Variants in B3GLCT observed in about 807,000 individuals in gnomAD.
The protein encoded by B3GLCT is beta-1,3-glucosyltransferase.
In B3GLCT, 65 loss-of-function variants were observed where a neutral mutation model predicts 63.4. The ratio of observed to expected loss-of-function variants is 1.03; its 90% CI spans 0.84 to 1.26. The LOEUF (loss-of-function observed/expected upper bound fraction) is 1.26, where lower values mean the gene tolerates loss of function less well. B3GLCT is among the 50% of genes most tolerant of loss of function. B3GLCT has a pLI of 0.00. For synonymous variants in B3GLCT, 233 were observed against 219.2 expected, an observed-to-expected ratio of 1.06 and a Z score of -0.55; for missense variants, 577 against 604.8, an observed-to-expected ratio of 0.95 and a Z score of 0.48.
chr13:31,237,501 C>T (rs1393587361), intron 4 of B3GLCT, among the ~76,000 whole-genome samples: 1 of 151,926 alleles, frequency 6.6e-6, no homozygotes, highest in East Asian at 1.9e-4. Flanking sequence ...TTACAGGTGC[C>T]TACTACCACG....
intron 1 of B3GLCT, among the ~76,000 whole-genome samples, chr13:31,208,070 T>A (rs1374046980): frequency 6.6e-6 from 1 of 151,966 alleles, no homozygotes; most frequent in African/African-American, 2.4e-5. Context: ...ACCTAGGAGG[T>A]TTGAGTATAC....
chr13:31,319,187 G>A (rs114262229), intron 13 of B3GLCT, among the ~76,000 whole-genome samples: 1 of 152,116 alleles, frequency 6.6e-6, no homozygotes, highest in Non-Finnish European at 1.5e-5. Context: ...GCCCCTGGCA[G>A]GCTGTGCTAG....
At chr13:31,277,036 C>T (rs1872829152) in intron 10 of B3GLCT, among the ~76,000 whole-genome samples, 3 of 152,118 alleles carry the variant, frequency 2.0e-5, no homozygotes, top group Admixed American at 6.6e-5. Context: ...TGGAAAAGCT[C>T]AGTGTGGCAG....
intron 12 of B3GLCT, chr13:31,312,318 A>T (rs1874754833): frequency 6.6e-6 from 1 of 152,216 alleles, no homozygotes; most frequent in African/African-American, 2.4e-5. Flanking sequence ...TCTTTTTCTG[A>T]GATAAAGTTA....
rs1566103279 is a variant in B3GLCT, at chr13:31,330,078, AT to A, written c.*411del. On this transcript the variant is annotated 3_prime_UTR_variant, in exon 15 of 15. Coordinates refer to ENST00000343307, the MANE Select transcript of B3GLCT (RefSeq NM_194318.4). ...ACTGTCTACAGTTCTATTTGTATAT[AT>A]AAAAAGAAGACTGAAAGTCTTTTGA... 1 of 208,924 alleles carries A rather than the reference AT, an allele frequency of 4.8e-6. No homozygotes were observed. The highest frequency in any genetic ancestry group is 1.2e-4 in the East Asian group (1 of 8,276). The allele number at this position is 208,924 out of a possible 1,614,324, so 12.9% of individuals were successfully genotyped here.
intron 4 of B3GLCT, among the ~76,000 whole-genome samples, chr13:31,230,632 A>C (rs966703869): frequency 6.6e-6 from 1 of 152,204 alleles, no homozygotes; most frequent in Non-Finnish European, 1.5e-5. Flanking sequence ...GAAACATCGT[A>C]CTTTCTCAAG....
rs192771958 is a variant in B3GLCT at position 31,223,912 on chromosome 13, G to A, written c.160+921G>A. On this transcript the variant is annotated intron_variant, in intron 3 of 14. Coordinates refer to ENST00000343307, the MANE Select transcript of B3GLCT (RefSeq NM_194318.4). ...CATGATGGATAAGCCTGGGTTCCAG[G>A]AAACAAGAAGGGAACAATATGCTCT... 1.3e-4 allele frequency among the ~76,000 whole-genome samples: 20 copies of A among 152,276 alleles called. No homozygotes were observed. In the East Asian group the frequency reaches 3.7e-3, roughly 28 times the overall value.
chr13:31,236,772 A>T (rs1001131945), intron 4 of B3GLCT, among the ~76,000 whole-genome samples: 5 of 152,150 alleles, frequency 3.3e-5, no homozygotes, highest in African/African-American at 1.2e-4. Context: ...TCTTTTACAG[A>T]GTTTTTTATG....
chr13:31,207,983 A>G (rs1226329283), intron 1 of B3GLCT, among the ~76,000 whole-genome samples: 1 of 152,132 alleles, frequency 6.6e-6, no homozygotes, highest in Admixed American at 6.5e-5. Context: ...TTCTTGTTCC[A>G]TTTCTTCCCT....
chr13:31,297,544 C>G (rs932024670), intron 12 of B3GLCT, among the ~76,000 whole-genome samples: 1 of 152,100 alleles, frequency 6.6e-6, no homozygotes, highest in Admixed American at 6.5e-5. Context: ...AAGTGTGGAG[C>G]AGGGAGAGTT....
intron 1 of B3GLCT, among the ~76,000 whole-genome samples, chr13:31,211,495 T>G (rs1869256898): frequency 6.6e-6 from 1 of 152,216 alleles, no homozygotes; most frequent in African/African-American, 2.4e-5. Flanking sequence ...TTTATGTCAT[T>G]GTTTTAAATA....
At position 31,247,894 on chromosome 13, in the gene B3GLCT, C is replaced by T; in HGVS notation, c.387C>T (p.Phe129=). The change falls in exon 6 of 15, where the codon TTC becomes TTT. Residue 129 remains phenylalanine (F), a synonymous_variant. Coordinates refer to ENST00000343307, the MANE Select transcript of B3GLCT (RefSeq NM_194318.4). ...ATAGCAGAAATTCATCTTGGATTTTCTTCTGTGAAGAAGAGACAAGAATAC... is the reference window on the plus strand; with the variant it reads ...ATAGCAGAAATTCATCTTGGATTTTTTTCTGTGAAGAAGAGACAAGAATAC... The part of the protein sequence containing the change: ...VTYSRNSSWI[F]FCEEETRIQI... 2 of 1,610,998 alleles carry T rather than the reference C, an allele frequency of 1.2e-6. No homozygotes were observed. Among genetic ancestry groups the T allele is most frequent in the Non-Finnish European group, 1.7e-6 (2 of 1,177,496 alleles).
At chr13:31,210,344 C>T (rs1455367031) in intron 1 of B3GLCT, among the ~76,000 whole-genome samples, 2 of 152,196 alleles carry the variant, frequency 1.3e-5, no homozygotes, top group Non-Finnish European at 2.9e-5. Flanking sequence ...CACATTAAAG[C>T]ACTAAGGCCA....
intron 12 of B3GLCT, among the ~76,000 whole-genome samples, chr13:31,315,188 G>A (rs1165629614): frequency 6.6e-6 from 1 of 152,216 alleles, no homozygotes; most frequent in African/African-American, 2.4e-5. Flanking sequence ...ACTCAAATAT[G>A]TGGAAGTGAC....
chr13:31,201,804 C>G (rs1868682909), intron 1 of B3GLCT, among the ~76,000 whole-genome samples: 1 of 152,162 alleles, frequency 6.6e-6, no homozygotes, highest in African/African-American at 2.4e-5. Flanking sequence ...CACTGAAGGA[C>G]ATTCAGAATG....
At chr13:31,247,811 T>A in intron 5 of B3GLCT, 44 bp from the exon 6 acceptor site, 2 of 1,006,156 alleles carry the variant, frequency 2.0e-6, no homozygotes, top group Non-Finnish European at 3.2e-6. Flanking sequence ...TATTATTAAC[T>A]TATTTTACAG....
In B3GLCT at chr13:31,274,592, C is replaced by G. The variant is rs761109871; in HGVS notation, c.744C>G (p.Tyr248Ter). 1.2e-6 allele frequency: 2 copies of G among 1,614,122 alleles called. No homozygotes were observed. The highest frequency in any genetic ancestry group is 1.7e-6 in the Non-Finnish European group (2 of 1,180,046). ...TTTGTACCAATGACGTGGACTTCTA[C>G]TGTGCTACCACATTCCATTCTTTTC... ...PEFCTNDVDF[Y>*]CATTFHSFLP... Residue 248 changes from tyrosine to a stop codon, truncating the protein, a stop_gained, in exon 9 of 15, where the codon TAC (tyrosine) becomes TAG (stop). Coordinates refer to ENST00000343307, the MANE Select transcript of B3GLCT (RefSeq NM_194318.4). LOFTEE classifies it high-confidence loss of function.
chr13:31,231,742 A>C (rs1870390353), intron 4 of B3GLCT, among the ~76,000 whole-genome samples: 1 of 152,190 alleles, frequency 6.6e-6, no homozygotes, highest in Non-Finnish European at 1.5e-5. Context: ...GGTGGGAAGC[A>C]ATAGAAATTA....
At chr13:31,309,392 A>T (rs749589638) in intron 12 of B3GLCT, among the ~76,000 whole-genome samples, 1 of 152,170 alleles carries the variant, frequency 6.6e-6, no homozygotes, top group South Asian at 2.1e-4. Context: ...TTCAGTTCTG[A>T]CACCATCTGC....
Sources: gnomAD v4.1 joint callset for allele counts (sites outside exome capture counted in the v4.1 genomes callset) on GRCh38, gnomAD v4.1.1 for gene constraint, MANE v1.5 for transcripts, NCBI Gene and HGNC (gene_info 2026-07-23, HGNC 2026-07-21) for gene names.